The following ENOX1 variants were observed in gnomAD, a reference collection of about 807,000 sequenced individuals.
ENOX1 encodes candidate growth-related and time keeping constitutive hydroquinone (NADH) oxidase.
A neutral mutation model predicts 82.5 loss-of-function variants in ENOX1; 42 were observed. The ratio of observed to expected loss-of-function variants is 0.51; its 90% CI spans 0.40 to 0.66. The LOEUF (loss-of-function observed/expected upper bound fraction) is 0.66. ENOX1 is among the 30% of genes least tolerant of loss of function. ENOX1 has a pLI of 0.00. For synonymous variants in ENOX1, 271 were observed against 282.2 expected (o/e 0.96, Z 0.40); for missense variants, 608 against 811.6 (o/e 0.75, Z 3.05).
intron 3 of ENOX1, among the ~76,000 whole-genome samples, chr13:43,437,618 C>T (rs975352262): frequency 4.6e-5 from 7 of 152,048 alleles, no homozygotes; most frequent in African/African-American, 1.5e-4. Context: ...AGAAGTAAAG[C>T]GGATATAGAA....
intron 1 of ENOX1, among the ~76,000 whole-genome samples, chr13:43,714,370 C>A (rs913216173): frequency 5.3e-5 from 8 of 152,024 alleles, no homozygotes; most frequent in African/African-American, 1.9e-4. Flanking sequence ...TGGTGTGGTG[C>A]TGAAAAAAAT....
rs1321163978 is a variant in ENOX1, at chr13:43,338,085, T to A, written c.1036+6453A>T. Among the ~76,000 whole-genome samples the A allele has an allele frequency of 2.0e-5, 3 of 152,198 alleles. No homozygotes were observed. The East Asian group carries it at 5.8e-4, about 29-fold the overall frequency. The stretch of plus-strand genomic sequence containing the variant: ...CTTACCAGGAAGCATGTTGGGAAAG[T>A]AGCAAAATGGGGATATCATGGAGTG... On this transcript the variant is annotated intron_variant, in intron 9 of 16. Coordinates refer to ENST00000690772, the MANE Select transcript of ENOX1 (RefSeq NM_001347969.2).
At chr13:43,621,969 T>A (rs551463558) in intron 2 of ENOX1, among the ~76,000 whole-genome samples, 2 of 152,290 alleles carry the variant, frequency 1.3e-5, no homozygotes, top group East Asian at 3.9e-4. Context: ...TTTTTCTTTG[T>A]CTTTGTTGGA....
At chr13:43,265,548 G>T in intron 13 of ENOX1, 94 bp from the exon 14 acceptor site, 2 of 1,070,852 alleles carry the variant, frequency 1.9e-6, no homozygotes, top group Non-Finnish European at 2.8e-6. Flanking sequence ...TTTATCTGAG[G>T]TTGCATTTTA....
At chr13:43,453,950 AG>A (rs2057097497) in intron 3 of ENOX1, among the ~76,000 whole-genome samples, 1 of 152,146 alleles carries the variant, frequency 6.6e-6, no homozygotes, top group Admixed American at 6.5e-5. Flanking sequence ...AGACTGGCAG[AG>A]GGTCCTGAGT....
intron 13 of ENOX1, among the ~76,000 whole-genome samples, chr13:43,267,826 G>C (rs1010943251): frequency 6.6e-6 from 1 of 152,096 alleles, no homozygotes; most frequent in Non-Finnish European, 1.5e-5. Context: ...AAAGATTCTT[G>C]GTATCTGTGC....
At chr13:43,458,461 C>G (rs903180183) in intron 3 of ENOX1, 1 of 152,108 alleles carries the variant, frequency 6.6e-6, no homozygotes, top group African/African-American at 2.4e-5. Flanking sequence ...TTTTAGGCAT[C>G]GCATCACTGG....
chr13:43,412,475 C>T (rs1007432029), intron 4 of ENOX1, among the ~76,000 whole-genome samples: 2 of 152,158 alleles, frequency 1.3e-5, no homozygotes, highest in Admixed American at 6.5e-5. Context: ...AAATAGTTGT[C>T]AAGCAGTAGA....
intron 2 of ENOX1, among the ~76,000 whole-genome samples, chr13:43,642,721 A>G (rs1018751126): frequency 6.6e-5 from 10 of 152,242 alleles, no homozygotes; most frequent in African/African-American, 2.4e-4. Flanking sequence ...TTAACTACTC[A>G]TCCATGATAC....
intron 14 of ENOX1, among the ~76,000 whole-genome samples, chr13:43,260,639 G>A (rs2044002658): frequency 1.3e-5 from 2 of 152,102 alleles, no homozygotes; most frequent in Non-Finnish European, 1.5e-5. Context: ...TGGGAAGAAG[G>A]TCATCAAAAA....
intron 2 of ENOX1, among the ~76,000 whole-genome samples, chr13:43,528,317 C>A (rs1593646121): frequency 6.6e-6 from 1 of 152,072 alleles, no homozygotes; most frequent in Non-Finnish European, 1.5e-5. Flanking sequence ...CCAGCATATA[C>A]CCTTTGTATA....
chr13:43,302,889 G>C (rs1378340733), intron 11 of ENOX1, among the ~76,000 whole-genome samples: 5 of 152,182 alleles, frequency 3.3e-5, no homozygotes, highest in Non-Finnish European at 5.9e-5. Flanking sequence ...GTTGTTTTGG[G>C]TTATGTCCCA....
chr13:43,324,289 G>A (rs977282818), intron 10 of ENOX1, among the ~76,000 whole-genome samples: 2 of 152,190 alleles, frequency 1.3e-5, no homozygotes, highest in Non-Finnish European at 2.9e-5. Flanking sequence ...TTTAGTCCCT[G>A]CGATTAATGA....
chr13:43,756,395 T>G (rs1345021679), intron 1 of ENOX1, among the ~76,000 whole-genome samples: 1 of 147,952 alleles, frequency 6.8e-6, no homozygotes, highest in Admixed American at 6.8e-5. Context: ...ATCGTACCAC[T>G]GCACTCCGGC....
At chr13:43,374,578 C>T (rs906559444) in intron 5 of ENOX1, among the ~76,000 whole-genome samples, 1 of 152,160 alleles carries the variant, frequency 6.6e-6, no homozygotes, top group African/African-American at 2.4e-5. Context: ...TATTTTCTGC[C>T]CAGTTATAAC....
intron 12 of ENOX1, among the ~76,000 whole-genome samples, chr13:43,287,533 A>AAAAC (rs1381473663): frequency 2.6e-5 from 4 of 152,214 alleles, no homozygotes; most frequent in African/African-American, 9.7e-5. Flanking sequence ...AGAAGTACAG[A>AAAAC]AAACAAACAG....
intron 5 of ENOX1, among the ~76,000 whole-genome samples, chr13:43,401,679 T>C (rs1198285527): frequency 6.6e-6 from 1 of 152,276 alleles, no homozygotes; most frequent in East Asian, 1.9e-4. Flanking sequence ...GGAACCTTTC[T>C]GAAGCTCACA....
chr13:43,656,885 G>A (rs1164618898), intron 2 of ENOX1, among the ~76,000 whole-genome samples: 1 of 152,060 alleles, frequency 6.6e-6, no homozygotes, highest in Non-Finnish European at 1.5e-5. Context: ...ATGTTAAAGG[G>A]ACAACAGGAA....
intron 8 of ENOX1, among the ~76,000 whole-genome samples, chr13:43,352,600 C>T (rs1327385221): frequency 1.3e-5 from 2 of 152,204 alleles, no homozygotes; most frequent in Non-Finnish European, 2.9e-5. Flanking sequence ...GGTTTCTGAG[C>T]AGTTACTTCC....
Sources: gnomAD v4.1 joint callset for allele counts (sites outside exome capture counted in the v4.1 genomes callset) on GRCh38, gnomAD v4.1.1 for gene constraint, MANE v1.5 for transcripts, NCBI Gene and HGNC (gene_info 2026-07-23, HGNC 2026-07-21) for gene names.